SEPTIN6: variants seen among roughly 807,000 people sequenced by gnomAD.
The protein encoded by SEPTIN6 is septin 6.
In SEPTIN6, 8 loss-of-function variants were observed where a neutral mutation model predicts 33.6. The observed-to-expected ratio is 0.24, with a 90% CI of 0.14 to 0.43. SEPTIN6 has a LOEUF of 0.43. SEPTIN6 is among the 20% of genes least tolerant of loss of function. The pLI is 1.00. For synonymous variants in SEPTIN6, 131 were observed against 140.0 expected (o/e 0.94, Z 0.45); for missense variants, 250 against 340.8 (o/e 0.73, Z 2.10).
intron 2 of SEPTIN6, among the ~76,000 whole-genome samples, chrX:119,674,437 A>C (rs1569441086): frequency 8.9e-6 from 1 of 112,122 alleles, no homozygotes; most frequent in East Asian, 2.8e-4. Flanking sequence ...TCGGCCTCCC[A>C]AAGTGCTGGG....
chrX:119,678,987 T>G (rs1038416465), intron 1 of SEPTIN6, among the ~76,000 whole-genome samples: 1 of 111,020 alleles, frequency 9.0e-6, no homozygotes, highest in African/African-American at 3.3e-5. Context: ...TCTCCCTGTC[T>G]CCCAGGCTAG....
At chrX:119,676,682 G>A (rs1407625196) in intron 1 of SEPTIN6, among the ~76,000 whole-genome samples, 2 of 111,021 alleles carry the variant, frequency 1.8e-5, no homozygotes, top group African/African-American at 6.6e-5. Context: ...GAGGCGGGAG[G>A]ATTGCTTGTG....
chrX:119,630,801 G>A (rs1033166651), intron 8 of SEPTIN6, among the ~76,000 whole-genome samples: 1 of 110,257 alleles, frequency 9.1e-6, no homozygotes, highest in Non-Finnish European at 1.9e-5. Context: ...GCTGAGACAG[G>A]AGAATCACTT....
intron 3 of SEPTIN6, among the ~76,000 whole-genome samples, chrX:119,660,763 T>C (rs992995621): frequency 1.9e-5 from 2 of 103,566 alleles, no homozygotes; most frequent in African/African-American, 7.7e-5. Context: ...GCACAGTGGC[T>C]CATGCCTGTA....
chrX:119,670,885 C>T (rs1271688915), intron 2 of SEPTIN6, among the ~76,000 whole-genome samples: 2 of 107,678 alleles, frequency 1.9e-5, no homozygotes, highest in Non-Finnish European at 3.8e-5. Context: ...TTTTGGTGCG[C>T]CAAGATCGTG....
At chrX:119,689,438 C>G (rs1307356804) in intron 1 of SEPTIN6, among the ~76,000 whole-genome samples, 1 of 112,136 alleles carries the variant, frequency 8.9e-6, no homozygotes, top group African/African-American at 3.2e-5. Context: ...TTCACAGTGT[C>G]CACAATTTGT....
chrX:119,666,265 G>A (rs955908844), intron 2 of SEPTIN6, among the ~76,000 whole-genome samples: 14 of 111,674 alleles, frequency 1.3e-4, no homozygotes, highest in Admixed American at 1.0e-3. Context: ...CTTCACAGTC[G>A]GGACTGGGTT....
Position 119,653,028 on chromosome X carries a change from G to T in SEPTIN6, c.354C>A (p.Ile118=). The T allele has an allele frequency of 8.3e-7, 1 of 1,208,508 alleles. No homozygotes were observed. Among genetic ancestry groups the T allele is most frequent in the Middle Eastern group, 2.3e-4 (1 of 4,315 alleles). Residue 118 remains isoleucine (I), a synonymous_variant, in exon 4 of 11, where the codon ATC becomes ATA. Coordinates refer to ENST00000394610, the MANE Select transcript of SEPTIN6 (RefSeq NM_145799.4). Reference sequence around the variant, plus strand: ...CGAATTGTGCATCGATGAATTCCACGATAGGCTTGTAGCTAAAAGGGAGAG... The same window carrying T: ...CGAATTGTGCATCGATGAATTCCACTATAGGCTTGTAGCTAAAAGGGAGAG... ...QINKEDSYKP[I]VEFIDAQFEA...
intron 10 of SEPTIN6, among the ~76,000 whole-genome samples, chrX:119,621,362 C>T (rs1416802818): frequency 9.2e-6 from 1 of 109,124 alleles, no homozygotes; most frequent in Non-Finnish European, 1.9e-5. Flanking sequence ...AACTGATCCC[C>T]ATTTCATATG....
chrX:119,617,794 T>A lies in SEPTIN6; in HGVS notation c.*2299A>T. ...TGGGCCTTCATTTCCCCTTACGGAGTAAGTAGGTTATATCGTCTTACTGAC... is the reference window on the plus strand; with the variant it reads ...TGGGCCTTCATTTCCCCTTACGGAGAAAGTAGGTTATATCGTCTTACTGAC... On this transcript the variant is annotated 3_prime_UTR_variant, in exon 11 of 11. Coordinates refer to ENST00000394610, the MANE Select transcript of SEPTIN6 (RefSeq NM_145799.4). 1 of 788,124 alleles carries A rather than the reference T, an allele frequency of 1.3e-6. No homozygotes were observed. The highest frequency in any genetic ancestry group is 1.5e-6 in the Non-Finnish European group (1 of 654,878). 65.0% of individuals were successfully genotyped at this position (788,124 alleles called of 1,213,427 possible). A position where few individuals can be genotyped will look rare whatever the true frequency, so the allele number is the denominator to read the frequency against.
intron 2 of SEPTIN6, among the ~76,000 whole-genome samples, chrX:119,674,741 C>T (rs1027582517): frequency 2.7e-5 from 3 of 112,058 alleles, no homozygotes; most frequent in Admixed American, 9.5e-5. Context: ...CTGCTCACTT[C>T]GCAGAGTCCT....
Position 119,620,008 on chromosome X carries a change from C to A in SEPTIN6, c.*85G>T. 1.7e-6 allele frequency: 2 copies of A among 1,206,568 alleles called. No homozygotes were observed. Among genetic ancestry groups the A allele is most frequent in the South Asian group, 3.6e-5 (2 of 56,156 alleles). On this transcript the variant is annotated 3_prime_UTR_variant, in exon 11 of 11. Transcript: ENST00000394610. ...AGGGGGAAATTAGAGAAAGGGAGGC[C>A]CAGCTCTGTTGCGCAGGAAAAGGGT... is the stretch of plus-strand genomic sequence containing the variant.
At chrX:119,658,537 T>G (rs2054490320) in intron 3 of SEPTIN6, among the ~76,000 whole-genome samples, 1 of 112,178 alleles carries the variant, frequency 8.9e-6, no homozygotes, top group Non-Finnish European at 1.9e-5. Flanking sequence ...TGCAACTGTT[T>G]CTCTAGGCTG....
intron 5 of SEPTIN6, among the ~76,000 whole-genome samples, chrX:119,647,478 T>TCC (rs2054280761): frequency 1.3e-5 from 1 of 74,280 alleles, no homozygotes; most frequent in African/African-American, 6.9e-5. Context: ...TTCCTTTCTC[T>TCC]CTCTCTTTTT....
intron 3 of SEPTIN6, among the ~76,000 whole-genome samples, chrX:119,661,231 A>C (rs2054536658): frequency 9.6e-6 from 1 of 104,087 alleles, no homozygotes; most frequent in African/African-American, 3.5e-5. Context: ...TGAGACCAAC[A>C]TGGCTAACAC....
At chrX:119,679,019 C>G (rs1476658367) in intron 1 of SEPTIN6, among the ~76,000 whole-genome samples, 1 of 110,966 alleles carries the variant, frequency 9.0e-6, no homozygotes, top group African/African-American at 3.3e-5. Context: ...GCGATCTCAG[C>G]TCACTGCAAC....
intron 4 of SEPTIN6, among the ~76,000 whole-genome samples, chrX:119,651,074 T>C (rs1043829914): frequency 9.5e-6 from 1 of 105,646 alleles, no homozygotes; most frequent in East Asian, 3.0e-4. Context: ...GCATAATCAT[T>C]CCTGCCAGTA....
At chrX:119,623,539 AAAT>A (rs1034974502) in intron 10 of SEPTIN6, among the ~76,000 whole-genome samples, 1 of 112,147 alleles carries the variant, frequency 8.9e-6, no homozygotes, top group African/African-American at 3.2e-5. Context: ...AGTTTAAAAA[AAAT>A]AATAATAACC....
intron 10 of SEPTIN6, among the ~76,000 whole-genome samples, chrX:119,623,698 G>A (rs1306313788): frequency 9.0e-6 from 1 of 111,664 alleles, no homozygotes; most frequent in African/African-American, 3.3e-5. Context: ...AATTAGCCAG[G>A]AATGGTGGCA....
Sources: gnomAD v4.1 joint callset for allele counts (sites outside exome capture counted in the v4.1 genomes callset) on GRCh38, gnomAD v4.1.1 for gene constraint, MANE v1.5 for transcripts, NCBI Gene and HGNC (gene_info 2026-07-23, HGNC 2026-07-21) for gene names.